Variants in MACF1 observed in about 807,000 individuals in gnomAD.
MACF1 encodes the protein microtubule-actin cross-linking factor 1.
A neutral mutation model predicts 854.8 loss-of-function variants in MACF1; 193 were observed. The ratio of observed to expected loss-of-function variants is 0.23; its 90% confidence interval spans 0.20 to 0.25. The LOEUF is 0.25. Among genes scored for constraint, MACF1 ranks in the 10% least tolerant of loss-of-function variants. The probability of loss-of-function intolerance (pLI) is 1.00; values close to 1 mark genes in which losing one functional copy is unlikely to be tolerated. For missense variants in MACF1, 7,722 were observed against 8,929.1 expected (o/e 0.86, Z 5.45); for synonymous variants, 3,185 against 3,226.7 (o/e 0.99, Z 0.44).
chr1:39,248,904 T>C (rs1208218854), intron 2 of MACF1, among the ~76,000 whole-genome samples: 1 of 151,968 alleles, frequency 6.6e-6, no homozygotes, highest in East Asian at 1.9e-4. Flanking sequence ...TTTTTTTTTG[T>C]TTTGTAGAGA....
At chr1:39,392,334 T>A (rs1466823054) in intron 58 of MACF1, among the ~76,000 whole-genome samples, 1 of 152,158 alleles carries the variant, frequency 6.6e-6, no homozygotes, top group Non-Finnish European at 1.5e-5. Flanking sequence ...TTTTCATGAT[T>A]TGAGTGTGGA....
intron 2 of MACF1, among the ~76,000 whole-genome samples, chr1:39,092,411 A>G (rs755710961): frequency 4.6e-5 from 7 of 152,198 alleles, no homozygotes; most frequent in Non-Finnish European, 8.8e-5. Flanking sequence ...TTTTACATAC[A>G]TCATTTAATC....
chr1:39,207,608 A>G (rs568483180), intron 1 of MACF1, among the ~76,000 whole-genome samples: 1 of 152,232 alleles, frequency 6.6e-6, no homozygotes, highest in Admixed American at 6.5e-5. Flanking sequence ...TAAACACTGA[A>G]GGTAACTGGC....
rs1257937768 is a variant in MACF1 at position 39,254,476 on chromosome 1, C to T, written c.435+101C>T. 7 of 1,024,642 alleles carry T rather than the reference C, an allele frequency of 6.8e-6. No individual in the cohort carries two copies. The Admixed American group carries it at 9.0e-5, about 13-fold the overall frequency. 63.5% of individuals were successfully genotyped at this position (1,024,642 alleles called of 1,614,324 possible). ...GCCCCTAGTAAGCTCTCAGTAAATG[C>T]TAAATCTGATTGACCCAGTTCTGAG... On this transcript the variant is annotated intron_variant, in intron 5 of 100. Transcript: ENST00000564288.
At position 39,332,510 on chromosome 1, in the gene MACF1, T is replaced by C. The variant is rs1189818670; in HGVS notation, c.5922T>C (p.Asn1974=). Residue 1974 remains asparagine (N), a synonymous_variant, in exon 37 of 101, where the codon AAT becomes AAC. Coordinates refer to ENST00000564288, the MANE Select transcript of MACF1 (RefSeq NM_001394062.1). ...LFQLMTHSYI[N]VQNGQRLLLL... ...AGCTGATGACTCACAGCTATATTAATGTGCAAAATGGACAGAGGCTGCTTC... is the reference window on the plus strand; with the variant it reads ...AGCTGATGACTCACAGCTATATTAACGTGCAAAATGGACAGAGGCTGCTTC... 3.1e-6 allele frequency: 5 copies of C among 1,614,098 alleles called. No homozygotes were observed. The highest frequency in any genetic ancestry group is 4.2e-6 in the Non-Finnish European group (5 of 1,180,026).
At chr1:39,193,424 T>A (rs2148250934) in intron 2 of MACF1, among the ~76,000 whole-genome samples, 1 of 152,352 alleles carries the variant, frequency 6.6e-6, no homozygotes, top group Non-Finnish European at 1.5e-5. Flanking sequence ...GTCATTGAGC[T>A]GTTCAATACC....
chr1:39,234,568 G>A (rs1467103687), intron 2 of MACF1, among the ~76,000 whole-genome samples: 1 of 82,932 alleles, frequency 1.2e-5, no homozygotes, highest in Non-Finnish European at 2.6e-5. Context: ...CCTCCCTCCC[G>A]GACGGGGCGG....
At chr1:39,309,129 C>A (rs1245164372) in intron 23 of MACF1, among the ~76,000 whole-genome samples, 1 of 151,974 alleles carries the variant, frequency 6.6e-6, no homozygotes, top group Non-Finnish European at 1.5e-5. Context: ...CTGGTTATTT[C>A]TTCTCTCTGG....
intron 40 of MACF1, among the ~76,000 whole-genome samples, chr1:39,346,160 G>A (rs1228986805): frequency 6.6e-6 from 1 of 151,660 alleles, no homozygotes. Flanking sequence ...TCAGGAGATC[G>A]AGACCATCTT....
At position 39,484,724 on chromosome 1, in the gene MACF1, C is replaced by T. The variant is rs546154872; in HGVS notation, c.22405C>T (p.Arg7469Trp). Residue 7469 changes from arginine to tryptophan, a missense_variant, in exon 100 of 101, where the codon CGG (arginine) becomes TGG (tryptophan). Coordinates refer to ENST00000564288, the MANE Select transcript of MACF1 (RefSeq NM_001394062.1). ...GGCCTCCACAGGTGCCAAAACTAAT[C>T]GGGCAGGTAAGTACCTGCCCCGTGA... ...SPASTGAKTN[R>W]ADPKKSASRP... is the part of the protein sequence containing the mutation. 6.8e-6 allele frequency: 11 copies of T among 1,614,118 alleles called. No homozygotes were observed. The highest frequency in any genetic ancestry group is 1.7e-4 in the Middle Eastern group (1 of 6,044).
In MACF1 at chr1:39,332,692, G is replaced by A; in HGVS notation, c.6104G>A (p.Trp2035Ter). 6.2e-7 allele frequency: 1 copy of A among 1,614,118 alleles called. No homozygotes were observed. Among genetic ancestry groups the A allele is most frequent in the Non-Finnish European group, 8.5e-7 (1 of 1,180,008 alleles). ...VKISGTFSSG[W>*]TVRLPEFQFS... Reference sequence around the variant, plus strand: ...ATCTCAGGAACTTTCAGCAGTGGGTGGACTGTGAGGCTGCCTGAGTTCCAG... The same window carrying A: ...ATCTCAGGAACTTTCAGCAGTGGGTAGACTGTGAGGCTGCCTGAGTTCCAG... Residue 2035 changes from tryptophan to a stop codon, truncating the protein, a stop_gained, in exon 37 of 101, where the codon TGG (tryptophan) becomes TAG (stop). Coordinates refer to ENST00000564288, the MANE Select transcript of MACF1 (RefSeq NM_001394062.1). LOFTEE classifies it high-confidence loss of function.
chr1:39,201,574 G>A (rs777557236), upstream of MACF1, among the ~76,000 whole-genome samples: 1 of 151,976 alleles, frequency 6.6e-6, no homozygotes, highest in African/African-American at 2.4e-5. Context: ...GGATGGTCTC[G>A]ATCTCTTGAC....
chr1:39,358,578 T>C, intron 45 of MACF1, 119 bp from the exon 46 acceptor site: 1 of 893,926 alleles, frequency 1.1e-6, no homozygotes, highest in Non-Finnish European at 1.8e-6. Flanking sequence ...GTTCTGGCAA[T>C]ACCCTTATCT....
chr1:39,414,365 T>G (rs1023620490), intron 58 of MACF1: 5 of 1,613,856 alleles, frequency 3.1e-6, no homozygotes, highest in Admixed American at 1.7e-5. Context: ...TCCACTGGAA[T>G]GTGGATCAAG....
intron 2 of MACF1, among the ~76,000 whole-genome samples, chr1:39,140,112 C>G (rs573650135): frequency 6.6e-6 from 1 of 152,124 alleles, no homozygotes; most frequent in South Asian, 2.1e-4. Context: ...TGCCACTACA[C>G]CCAGCTAAAT....
At chr1:39,273,622 G>A (rs923441000) in intron 6 of MACF1, among the ~76,000 whole-genome samples, 5 of 151,468 alleles carry the variant, frequency 3.3e-5, no homozygotes, top group African/African-American at 4.8e-5. Flanking sequence ...TTTTTGAGAC[G>A]GAGTCTTGCT....
chr1:39,287,168 C>T, intron 14 of MACF1, 118 bp from the exon 15 acceptor site: 1 of 1,124,616 alleles, frequency 8.9e-7, no homozygotes, highest in Non-Finnish European at 1.2e-6. Flanking sequence ...ACCATGTTGT[C>T]TAGGCTGGCT....
At chr1:39,434,203 T>C (rs1019460215) in intron 68 of MACF1, among the ~76,000 whole-genome samples, 3 of 152,092 alleles carry the variant, frequency 2.0e-5, no homozygotes, top group Non-Finnish European at 4.4e-5. Context: ...TTAAAAATTA[T>C]AGAAATAAAA....
rs1037404934 is a variant in MACF1 at position 39,240,843 on chromosome 1, C to T, written c.172-9171C>T. Reference sequence around the variant, plus strand: ...CACATTCTTAGAGAATCTGTTAATCCGGGTTGACCGGTACCACTGTTAAAT... The same window carrying T: ...CACATTCTTAGAGAATCTGTTAATCTGGGTTGACCGGTACCACTGTTAAAT... On this transcript the variant is annotated intron_variant, in intron 2 of 100. Transcript: ENST00000564288. Among the ~76,000 whole-genome samples, 7 of 152,216 alleles carry T rather than the reference C, an allele frequency of 4.6e-5. No individual in the cohort carries two copies. In the East Asian group the frequency reaches 1.2e-3, roughly 25 times the overall value.
Sources: gnomAD v4.1 joint callset for allele counts (sites outside exome capture counted in the v4.1 genomes callset) on GRCh38, gnomAD v4.1.1 for gene constraint, MANE v1.5 for transcripts, NCBI Gene and HGNC (gene_info 2026-07-23, HGNC 2026-07-21) for gene names.